MYADML2: variants seen among roughly 807,000 people sequenced by gnomAD.
The protein encoded by MYADML2 is myeloid-associated differentiation marker-like protein 2.
In MYADML2, 17 loss-of-function variants were observed where a neutral mutation model predicts 16.0. The observed-to-expected ratio is 1.06, with a 90% CI of 0.73 to 1.60. The LOEUF (loss-of-function observed/expected upper bound fraction) is 1.60. Ranked by LOEUF, MYADML2 falls within the 40% of genes most tolerant of loss-of-function variation. The probability of loss-of-function intolerance (pLI) is 0.00; values close to 1 mark genes in which losing one functional copy is unlikely to be tolerated. For missense variants in MYADML2, 422 were observed against 437.7 expected (o/e 0.96, Z 0.32); for synonymous variants, 210 against 208.1 (o/e 1.01, Z -0.08).
At chr17:81,946,872 G>A (rs531467352) in intron 1 of MYADML2, among the ~76,000 whole-genome samples, 187 bp downstream of exon 1, 83 of 152,226 alleles carry the variant, frequency 5.5e-4, no homozygotes, top group Middle Eastern at 3.4e-3. Context: ...AGCTACTCCA[G>A]AGGCTGAGGC....
At position 81,941,426 on chromosome 17, in the gene MYADML2, A is replaced by ACAGGAC. The variant is rs2041303263; in HGVS notation, c.310_315dup (p.Val104_Leu105dup). 4 of 1,549,262 alleles carry ACAGGAC rather than the reference A, an allele frequency of 2.6e-6. No individual in the cohort carries two copies. The highest frequency in any genetic ancestry group is 1.4e-5 in the African/African-American group (1 of 73,038). ...TCCCGCCGGGCAAAGTACAGCGGAT[A>ACAGGAC]CAGGACCGCAGCCGTCGCGCATAGC... On this transcript the variant is annotated inframe_insertion, in exon 3 of 3. Coordinates refer to ENST00000409745, the MANE Select transcript of MYADML2 (RefSeq NM_001145113.3).
rs879207024 is a variant in MYADML2, at chr17:81,941,191, T to C, written c.551A>G (p.His184Arg). 2 of 1,550,176 alleles carry C rather than the reference T, an allele frequency of 1.3e-6. No homozygotes were observed. The highest frequency in any genetic ancestry group is 2.4e-5 in the South Asian group (2 of 84,062). The change falls in exon 3 of 3, where the codon CAT becomes CGT. Residue 184 changes from histidine (H) to arginine (R), a missense_variant. Coordinates refer to ENST00000409745, the MANE Select transcript of MYADML2 (RefSeq NM_001145113.3). ...VACIIFGALV[H>R]DSRYGRYVAT... ...CACGTAGCGCCCGTAGCGGCTGTCATGGACCAGCGCCCCGAAGATGATGCA... is the reference window on the plus strand; with the variant it reads ...CACGTAGCGCCCGTAGCGGCTGTCACGGACCAGCGCCCCGAAGATGATGCA...
Position 81,941,773 on chromosome 17 carries a change from C to T in MYADML2, c.-32G>A. 1.4e-6 allele frequency: 2 copies of T among 1,472,144 alleles called. No individual in the cohort carries two copies. Among genetic ancestry groups the T allele is most frequent in the Non-Finnish European group, 1.8e-6 (2 of 1,107,794 alleles). 91.2% of individuals were successfully genotyped at this position (1,472,144 alleles called of 1,614,324 possible). A position where few individuals can be genotyped will look rare whatever the true frequency, so the allele number is the denominator to read the frequency against. On this transcript the variant is annotated 5_prime_UTR_variant, in exon 3 of 3. Coordinates refer to ENST00000409745, the MANE Select transcript of MYADML2 (RefSeq NM_001145113.3). ...AGCCACGTTTCCAGCTCACACAGTC[C>T]CCCAAGGCCCTGGGGTCCCTGCTGG...
In MYADML2 at chr17:81,941,726, C is replaced by G; in HGVS notation, c.16G>C (p.Glu6Gln). 6.6e-7 allele frequency: 1 copy of G among 1,523,112 alleles called. No homozygotes were observed. Among genetic ancestry groups the G allele is most frequent in the Non-Finnish European group, 8.8e-7 (1 of 1,131,408 alleles). 94.3% of individuals were successfully genotyped at this position (1,523,112 alleles called of 1,614,324 possible). A position where few individuals can be genotyped will look rare whatever the true frequency, so the allele number is the denominator to read the frequency against. ...TGCAGGTACGCACCCCCAGGGGGCT[C>G]CATGGTGCTGCCCATCTGGCCAGCC... MGSTM[E>Q]PPGGAYLHLG... Residue 6 changes from glutamate (E) to glutamine (Q), a missense_variant, in exon 3 of 3, where the codon GAG (glutamate) becomes CAG (glutamine). Transcript: ENST00000409745.
Position 81,941,187 on chromosome 17 carries a change from G to A in MYADML2, c.555C>T (p.Asp185=), listed in dbSNP as rs2041299708. ...ACIIFGALVH[D]SRYGRYVATQ... ...TGGCCACGTAGCGCCCGTAGCGGCTGTCATGGACCAGCGCCCCGAAGATGA... is the reference window on the plus strand; with the variant it reads ...TGGCCACGTAGCGCCCGTAGCGGCTATCATGGACCAGCGCCCCGAAGATGA... The change falls in exon 3 of 3, where the codon GAC becomes GAT. Residue 185 remains aspartate (D), a synonymous_variant. Coordinates refer to ENST00000409745, the MANE Select transcript of MYADML2 (RefSeq NM_001145113.3). 1 of 1,550,220 alleles carries A rather than the reference G, an allele frequency of 6.5e-7. No individual in the cohort carries two copies. The highest frequency in any genetic ancestry group is 8.7e-7 in the Non-Finnish European group (1 of 1,146,946).
intron 1 of MYADML2, among the ~76,000 whole-genome samples, chr17:81,945,726 G>A (rs2041340129): frequency 6.6e-6 from 1 of 151,550 alleles, no homozygotes; most frequent in African/African-American, 2.4e-5. Flanking sequence ...AATGAGTTGG[G>A]CGTGGTGGTG....
chr17:81,941,866 G>A, intron 2 of MYADML2, 23 bp from the exon 3 acceptor site: 1 of 951,048 alleles, frequency 1.1e-6, no homozygotes, highest in Non-Finnish European at 1.5e-6. Flanking sequence ...TGACGACGGT[G>A]ACATTGCAGC....
intron 1 of MYADML2, among the ~76,000 whole-genome samples, chr17:81,946,707 A>AT (rs1336348093): frequency 6.6e-6 from 1 of 152,194 alleles, no homozygotes; most frequent in African/African-American, 2.4e-5. Context: ...GCAGTGGCTC[A>AT]TGCCTGTACA....
In MYADML2 at chr17:81,945,407, T is replaced by C. The variant is rs1180652045; in HGVS notation, c.-181+1652A>G. Reference sequence around the variant, plus strand: ...ACAAAAAATTATCCAGGCGTGGTGATGGGCGCCTGTAGTCCCAGCTACTCA... The same window carrying C: ...ACAAAAAATTATCCAGGCGTGGTGACGGGCGCCTGTAGTCCCAGCTACTCA... On this transcript the variant is annotated intron_variant, in intron 1 of 2. Coordinates refer to ENST00000409745, the MANE Select transcript of MYADML2 (RefSeq NM_001145113.3). Among the ~76,000 whole-genome samples, 4 of 151,948 alleles carry C rather than the reference T, an allele frequency of 2.6e-5. No homozygotes were observed. The South Asian group carries it at 6.2e-4, about 24-fold the overall frequency.
rs929967064 is a variant in MYADML2 at position 81,947,139 on chromosome 17, G to A, written c.-261C>T. ...AAATAACATGCCATTTTGTATCAGG[G>A]ACTCTGGCCTTGTGGATTCTGGTGT... On this transcript the variant is annotated 5_prime_UTR_variant, in exon 1 of 3. Coordinates refer to ENST00000409745, the MANE Select transcript of MYADML2 (RefSeq NM_001145113.3). 2.6e-5 allele frequency: 4 copies of A among 152,198 alleles called. No individual in the cohort carries two copies. The highest frequency in any genetic ancestry group is 9.7e-5 in the African/African-American group (4 of 41,434). The allele number at this position is 152,198 out of a possible 1,614,324, so 9.4% of individuals were successfully genotyped here. A position where few individuals can be genotyped will look rare whatever the true frequency, so the allele number is the denominator to read the frequency against.
rs747897387 is a variant in MYADML2, at chr17:81,941,173, C to T, written c.569G>A (p.Arg190His). 1.2e-4 allele frequency: 189 copies of T among 1,550,220 alleles called. No individual in the cohort carries two copies. Among genetic ancestry groups the T allele is most frequent in the Non-Finnish European group, 3.7e-5 (42 of 1,146,940 alleles). The change falls in exon 3 of 3, where the codon CGC (arginine) becomes CAC (histidine). Residue 190 changes from arginine (R) to histidine (H), a missense_variant. Physicochemically the swap from Arg to His is conservative, Grantham distance 29. Transcript: ENST00000409745. ...GALVHDSRYG[R>H]YVATQWCVAV... ...CACGCACCACTGGGTGGCCACGTAG[C>T]GCCCGTAGCGGCTGTCATGGACCAG...
At position 81,941,665 on chromosome 17, in the gene MYADML2, C is replaced by G. The variant is rs759999357; in HGVS notation, c.77G>C (p.Arg26Pro). 1.3e-6 allele frequency: 2 copies of G among 1,549,502 alleles called. No individual in the cohort carries two copies. ...GAVTSPVGTA[R>P]VLQLAFGCTT... ...GCAGCCAAAGGCCAGCTGCAGCACGCGGGCTGTGCCCACAGGGGATGTCAC... is the reference window on the plus strand; with the variant it reads ...GCAGCCAAAGGCCAGCTGCAGCACGGGGGCTGTGCCCACAGGGGATGTCAC... The change falls in exon 3 of 3, where the codon CGC (arginine) becomes CCC (proline). Residue 26 changes from arginine to proline, a missense_variant. By Grantham distance (103) the Arg-to-Pro change is moderately radical (BLOSUM62 -2). Transcript: ENST00000409745.
In MYADML2 at chr17:81,942,981, CTTAT is replaced by C. The variant is rs2041317838; in HGVS notation, c.-180-612_-180-609del. On this transcript the variant is annotated intron_variant, in intron 1 of 2. Coordinates refer to ENST00000409745, the MANE Select transcript of MYADML2 (RefSeq NM_001145113.3). This position sits in a 1 kb window ranked among gnomAD's most constrained non-coding sequence, Gnocchi z 4.4. ...CTGCCTCAGCCTTTTTATTTATTTA[CTTAT>C]TTATTTATTTAACCACTTGCACTCA... Among the ~76,000 whole-genome samples, 2 of 152,040 alleles carry C rather than the reference CTTAT, an allele frequency of 1.3e-5. No homozygotes were observed. Among genetic ancestry groups the C allele is most frequent in the South Asian group, 2.1e-4 (1 of 4,822 alleles).
At chr17:81,945,058 G>A (rs1187926927) in intron 1 of MYADML2, among the ~76,000 whole-genome samples, 1 of 152,174 alleles carries the variant, frequency 6.6e-6, no homozygotes, top group Non-Finnish European at 1.5e-5. Flanking sequence ...TTGAGCTCAG[G>A]AGTTCCAGAC....
In MYADML2 at chr17:81,940,869, G is replaced by A. The variant is rs933215425; in HGVS notation, c.873C>T (p.Tyr291=). Residue 291 remains tyrosine (Y), a synonymous_variant, in exon 3 of 3, where the codon TAC becomes TAT. Coordinates refer to ENST00000409745, the MANE Select transcript of MYADML2 (RefSeq NM_001145113.3). ...AIFTYVNLLL[Y]VVDLAYSQRI... is the part of the protein sequence containing the mutation. ...TCTGGGAGTAGGCGAGGTCAACGAC[G>A]TACAGGAGCAGGTTGACGTAGGTGA... 1.9e-5 allele frequency: 29 copies of A among 1,540,730 alleles called. No homozygotes were observed. Among genetic ancestry groups the A allele is most frequent in the Non-Finnish European group, 2.3e-5 (26 of 1,140,354 alleles).
intron 1 of MYADML2, among the ~76,000 whole-genome samples, chr17:81,945,734 G>A (rs1045521663): frequency 2.6e-5 from 4 of 151,708 alleles, no homozygotes; most frequent in Non-Finnish European, 4.4e-5. Flanking sequence ...GGGCGTGGTG[G>A]TGCACATCCG....
chr17:81,941,250 C>T lies in MYADML2; in HGVS notation c.492G>A (p.Ser164=), dbSNP rs1470239263. 23 of 1,550,020 alleles carry T rather than the reference C, an allele frequency of 1.5e-5. No individual in the cohort carries two copies. The highest frequency in any genetic ancestry group is 5.9e-5 in the South Asian group (5 of 84,068). ...AGGCCTGGACGATCTTGAGGAGCCCCGACACCGTGGCCATATAGCTGCTCA... is the reference window on the plus strand; with the variant it reads ...AGGCCTGGACGATCTTGAGGAGCCCTGACACCGTGGCCATATAGCTGCTCA... ...GQVSSYMATV[S]GLLKIVQAFV... Residue 164 remains serine, a synonymous_variant, in exon 3 of 3, where the codon TCG becomes TCA. Coordinates refer to ENST00000409745, the MANE Select transcript of MYADML2 (RefSeq NM_001145113.3).
Position 81,946,521 on chromosome 17 carries a change from G to A in MYADML2, c.-181+538C>T, listed in dbSNP as rs769535148. Among the ~76,000 whole-genome samples the A allele has an allele frequency of 7.5e-4, 114 of 151,788 alleles. No homozygotes were observed. The Middle Eastern group carries it at 0.014, about 18-fold the overall frequency. ...AAATTAGCCAGGTGTGGCAGTGGGCGCTGGTAGTCCCAGCTACTCGGGAGG... is the reference window on the plus strand; with the variant it reads ...AAATTAGCCAGGTGTGGCAGTGGGCACTGGTAGTCCCAGCTACTCGGGAGG... On this transcript the variant is annotated intron_variant, in intron 1 of 2. Coordinates refer to ENST00000409745, the MANE Select transcript of MYADML2 (RefSeq NM_001145113.3).
At position 81,941,144 on chromosome 17, in the gene MYADML2, C is replaced by A; in HGVS notation, c.598G>T (p.Val200Phe). The A allele has an allele frequency of 6.5e-7, 1 of 1,550,230 alleles. No homozygotes were observed. The highest frequency in any genetic ancestry group is 8.7e-7 in the Non-Finnish European group (1 of 1,146,944). Residue 200 changes from valine (V) to phenylalanine (F), a missense_variant, in exon 3 of 3, where the codon GTC becomes TTC. By Grantham distance (50) the Val-to-Phe change is conservative. Coordinates refer to ENST00000409745, the MANE Select transcript of MYADML2 (RefSeq NM_001145113.3). ...GTGGCCAGGAAGCACAGGCTGTAGACGGCCACGCACCACTGGGTGGCCACG... is the reference window on the plus strand; with the variant it reads ...GTGGCCAGGAAGCACAGGCTGTAGAAGGCCACGCACCACTGGGTGGCCACG... ...RYVATQWCVA[V>F]YSLCFLATVA...
Sources: allele counts gnomAD v4.1 joint callset (sites outside exome capture counted in the v4.1 genomes callset), GRCh38; gene constraint gnomAD v4.1.1; non-coding constraint Gnocchi (gnomAD v3.1); transcripts MANE v1.5; gene names NCBI Gene and HGNC (gene_info 2026-07-23, HGNC 2026-07-21).